LUZP1: variants seen among roughly 807,000 people sequenced by gnomAD.
LUZP1 encodes leucine zipper protein 1.
Under a neutral mutation model 71.3 loss-of-function variants are expected in LUZP1, and 25 were observed. The ratio of observed to expected loss-of-function variants is 0.35; its 90% CI spans 0.26 to 0.49. LUZP1 has a LOEUF of 0.49. Among genes scored for constraint, LUZP1 ranks in the 20% least tolerant of loss-of-function variants. The probability of loss-of-function intolerance (pLI) is 0.99; values close to 1 mark genes in which losing one functional copy is unlikely to be tolerated. For synonymous variants in LUZP1, 481 were observed against 506.4 expected (o/e 0.95, Z 0.67); for missense variants, 1,142 against 1,300.8 (o/e 0.88, Z 1.88).
At chr1:23,165,985 C>T (rs965110746) in intron 2 of LUZP1, among the ~76,000 whole-genome samples, 19 of 150,960 alleles carry the variant, frequency 1.3e-4, no homozygotes, top group African/African-American at 4.6e-4. Context: ...TAAGTAAGCA[C>T]CTAGAGGCAT....
At chr1:23,088,259 T>C (rs1431392314) in exon 5 of LUZP1, 2 of 152,734 alleles carry the variant, frequency 1.3e-5, no homozygotes, top group Non-Finnish European at 2.9e-5. Context: ...AGTATCTGCA[T>C]GCTCTGCTTC....
chr1:23,085,442 C>T (rs1643749272), exon 5 of LUZP1: 1 of 152,588 alleles, frequency 6.6e-6, no homozygotes, highest in South Asian at 2.1e-4. Flanking sequence ...CTGCTCCCCA[C>T]TCGGGGTATT....
At chr1:23,106,561 C>T (rs967522763) in intron 3 of LUZP1, among the ~76,000 whole-genome samples, 3 of 152,018 alleles carry the variant, frequency 2.0e-5, no homozygotes, top group South Asian at 2.1e-4. Flanking sequence ...GCTGAGATCA[C>T]ACCACTATAC....
intron 2 of LUZP1, among the ~76,000 whole-genome samples, chr1:23,130,860 T>G: frequency 6.6e-6 from 1 of 152,024 alleles, no homozygotes; most frequent in South Asian, 2.1e-4. Flanking sequence ...TCACTCAATG[T>G]TCCATATACA....
intron 1 of LUZP1, among the ~76,000 whole-genome samples, chr1:23,176,422 T>G (rs1256582946): frequency 6.6e-6 from 1 of 152,202 alleles, no homozygotes; most frequent in Non-Finnish European, 1.5e-5. Flanking sequence ...AAATGAATGC[T>G]CTAAAGCAAT....
chr1:23,152,300 C>A (rs1252610925), intron 2 of LUZP1, among the ~76,000 whole-genome samples: 1 of 152,020 alleles, frequency 6.6e-6, no homozygotes, highest in Non-Finnish European at 1.5e-5. Flanking sequence ...TGGTTTGAAA[C>A]GTACTGTATT....
At chr1:23,090,354 G>A (rs1394725563) in intron 4 of LUZP1, 1 of 155,308 alleles carries the variant, frequency 6.4e-6, no homozygotes, top group Non-Finnish European at 1.4e-5. Context: ...CCAGTGTTAA[G>A]TACCCTGTAA....
chr1:23,102,823 A>C (rs1366336955), intron 3 of LUZP1, among the ~76,000 whole-genome samples: 1 of 152,208 alleles, frequency 6.6e-6, no homozygotes, highest in Non-Finnish European at 1.5e-5. Flanking sequence ...AAATTTAAAA[A>C]GCAAAAGACA....
At chr1:23,091,586 A>G in exon 4 of LUZP1, 3 of 1,614,154 alleles carry the variant, frequency 1.9e-6, no homozygotes, top group Non-Finnish European at 2.5e-6. Context: ...CTGGAGGTGC[A>G]TGGCTATTCC....
chr1:23,113,610 G>A (rs901730195), intron 2 of LUZP1, among the ~76,000 whole-genome samples: 7 of 152,054 alleles, frequency 4.6e-5, no homozygotes, highest in African/African-American at 1.4e-4. Context: ...GGCCGGACAC[G>A]GTGGCTCATG....
At chr1:23,152,531 ATTTC>A (rs1306004671) in intron 2 of LUZP1, among the ~76,000 whole-genome samples, 5 of 151,710 alleles carry the variant, frequency 3.3e-5, no homozygotes, top group East Asian at 1.9e-4. Context: ...AATTCTACCA[ATTTC>A]TTTCTTTATT....
chr1:23,115,731 G>A (rs557808165), intron 2 of LUZP1, among the ~76,000 whole-genome samples: 2 of 152,132 alleles, frequency 1.3e-5, no homozygotes, highest in Admixed American at 6.5e-5. Flanking sequence ...AGTAGAGATG[G>A]GGTTTCACCA....
intron 2 of LUZP1, among the ~76,000 whole-genome samples, chr1:23,152,436 A>G (rs1432468574): frequency 6.6e-6 from 1 of 152,196 alleles, no homozygotes; most frequent in Admixed American, 6.5e-5. Context: ...GATATAATGC[A>G]GTCCACAGAG....
rs1251776562 is a variant in LUZP1, at chr1:23,089,081, T to C, written c.3073-28A>G. 4.3e-6 allele frequency: 7 copies of C among 1,610,472 alleles called. No homozygotes were observed. In the Admixed American group the frequency reaches 5.0e-5, roughly 12 times the overall value. On this transcript the variant is annotated intron_variant, in intron 4 of 4. Transcript: ENST00000302291. ...GTGCCAATAAATAACAAAAGTGAGC[T>C]GTGGAGGTCAGTAAAGTGAGGACCG...
At chr1:23,111,389 T>C (rs1644031207) in intron 2 of LUZP1, among the ~76,000 whole-genome samples, 2 of 135,458 alleles carry the variant, frequency 1.5e-5, no homozygotes, top group Non-Finnish European at 3.2e-5. Context: ...CCCCCATCTC[T>C]ACAAAAAAAA....
chr1:23,111,740 C>T (rs1644034852), intron 2 of LUZP1, among the ~76,000 whole-genome samples: 2 of 151,878 alleles, frequency 1.3e-5, no homozygotes, highest in African/African-American at 2.4e-5. Flanking sequence ...CCGTCCTACC[C>T]CATCACCACC....
At chr1:23,143,595 T>C (rs763812087) in intron 2 of LUZP1, among the ~76,000 whole-genome samples, 10 of 152,222 alleles carry the variant, frequency 6.6e-5, no homozygotes, top group Non-Finnish European at 1.5e-4. Flanking sequence ...AGGATTGTTA[T>C]GCTGGATAAA....
intron 3 of LUZP1, among the ~76,000 whole-genome samples, chr1:23,104,016 A>G (rs1395361855): frequency 1.3e-5 from 2 of 151,710 alleles, no homozygotes; most frequent in African/African-American, 4.8e-5. Context: ...CACAAGGGGA[A>G]GAGCAATTAA....
intron 4 of LUZP1, chr1:23,090,746 G>A (rs1338677637): frequency 9.2e-6 from 6 of 655,422 alleles, no homozygotes; most frequent in East Asian, 5.4e-5. Context: ...TAACTGAGGC[G>A]GCCGAGAACT....
Sources: gnomAD v4.1 joint callset for allele counts (sites outside exome capture counted in the v4.1 genomes callset) on GRCh38, gnomAD v4.1.1 for gene constraint, MANE v1.5 for transcripts, NCBI Gene and HGNC (gene_info 2026-07-23, HGNC 2026-07-21) for gene names.